NBEAL1: variants seen among roughly 807,000 people sequenced by gnomAD.
NBEAL1 encodes the protein neurobeachin-like protein 1.
A neutral mutation model predicts 351.3 loss-of-function variants in NBEAL1; 273 were observed. The observed-to-expected ratio is 0.78, with a 90% confidence interval of 0.70 to 0.86. NBEAL1 has a LOEUF of 0.86. NBEAL1 is among the 40% of genes least tolerant of loss of function. The pLI, the probability that NBEAL1 is intolerant of heterozygous loss-of-function variation, is 0.00. For missense variants in NBEAL1, 2,961 were observed against 3,201.3 expected (o/e 0.92, Z 1.81); for synonymous variants, 1,050 against 1,086.4 (o/e 0.97, Z 0.66).
At position 203,188,651 on chromosome 2, in the gene NBEAL1, T is replaced by C; in HGVS notation, c.6823+62T>C. 3.4e-6 allele frequency: 3 copies of C among 882,010 alleles called. No homozygotes were observed. In the South Asian group the frequency reaches 5.9e-5, roughly 17 times the overall value. 54.6% of individuals were successfully genotyped at this position (882,010 alleles called of 1,614,324 possible). A position where few individuals can be genotyped will look rare whatever the true frequency, so the allele number is the denominator to read the frequency against. Reference sequence around the variant, plus strand: ...GATAGAAACTGTTGTTTAATATATGTTTACAGTTATTTGAAGCCTATTTAA... The same window carrying C: ...GATAGAAACTGTTGTTTAATATATGCTTACAGTTATTTGAAGCCTATTTAA... On this transcript the variant is annotated intron_variant, in intron 45 of 55. Transcript: ENST00000683969.
At chr2:203,163,668 A>G (rs1325296868) in intron 36 of NBEAL1, among the ~76,000 whole-genome samples, 1 of 152,142 alleles carries the variant, frequency 6.6e-6, no homozygotes, top group East Asian at 1.9e-4. Context: ...GAATCATACC[A>G]TGTTTCTGTT....
chr2:203,109,330 G>A (rs2062509407), intron 14 of NBEAL1, among the ~76,000 whole-genome samples: 1 of 152,144 alleles, frequency 6.6e-6, no homozygotes, highest in Non-Finnish European at 1.5e-5. Context: ...CTGTGCTCCA[G>A]CCTGGGCAAT....
chr2:203,145,090 G>A lies in NBEAL1; in HGVS notation c.5234G>A (p.Cys1745Tyr), dbSNP rs1559402911. 4.3e-6 allele frequency: 7 copies of A among 1,613,318 alleles called. No individual in the cohort carries two copies. The highest frequency in any genetic ancestry group is 5.9e-6 in the Non-Finnish European group (7 of 1,179,764). Residue 1745 changes from cysteine (C) to tyrosine (Y), a missense_variant, in exon 33 of 56, where the codon TGT (cysteine) becomes TAT (tyrosine). By Grantham distance (194) the Cys-to-Tyr change is radical. Transcript: ENST00000683969. ...AACATGGCACTTTATTGGAAGGATT[G>A]TTATGAAGCTTTAATGGTAAATATG... is the stretch of plus-strand genomic sequence containing the variant. ...HENMALYWKDCYEALMVNMHK... is the reference protein window; with the variant it reads ...HENMALYWKDYYEALMVNMHK...
chr2:203,150,719 T>C (rs1441771527), intron 34 of NBEAL1, among the ~76,000 whole-genome samples: 4 of 152,196 alleles, frequency 2.6e-5, no homozygotes, highest in African/African-American at 4.8e-5. Context: ...TTTAGATCTT[T>C]GATTCACTTG....
intron 2 of NBEAL1, among the ~76,000 whole-genome samples, chr2:203,037,932 G>T (rs941510623): frequency 2.0e-5 from 3 of 149,160 alleles, no homozygotes; most frequent in African/African-American, 7.3e-5. Flanking sequence ...TCCGGCCTGG[G>T]TAACAGAGTG....
chr2:203,023,300 G>A (rs772366572), intron 2 of NBEAL1, among the ~76,000 whole-genome samples: 1 of 152,092 alleles, frequency 6.6e-6, no homozygotes, highest in African/African-American at 2.4e-5. Context: ...TAACAGCTTT[G>A]TATGTAAGGA....
At chr2:203,138,362 T>G (rs1376697067) in intron 30 of NBEAL1, 47 bp downstream of exon 30, 1 of 1,556,372 alleles carries the variant, frequency 6.4e-7, no homozygotes. Context: ...GTTAAGAACT[T>G]TATTCAAAGA....
At position 203,113,066 on chromosome 2, in the gene NBEAL1, C is replaced by T. The variant is rs2062609002; in HGVS notation, c.2254C>T (p.Pro752Ser). 1 of 1,546,388 alleles carries T rather than the reference C, an allele frequency of 6.5e-7. No homozygotes were observed. Among genetic ancestry groups the T allele is most frequent in the Non-Finnish European group, 8.7e-7 (1 of 1,144,686 alleles). ...AGCTGGGCAAAGAACCACCACTCCT[C>T]CACCATCCCAAATCCCAGATCCACC... The part of the protein sequence containing the change: ...GSAGQRTTTP[P>S]PSQIPDPPFS... Residue 752 changes from proline to serine, a missense_variant, in exon 17 of 56, where the codon CCA becomes TCA. Transcript: ENST00000683969.
chr2:203,098,769 C>A (rs1260882477), intron 11 of NBEAL1, among the ~76,000 whole-genome samples: 1 of 151,952 alleles, frequency 6.6e-6, no homozygotes, highest in Non-Finnish European at 1.5e-5. Flanking sequence ...ATTTCATTTT[C>A]TGTGTCTGCC....
At chr2:203,083,976 CTGTGTGTGTGTGTGTGTGTGTGTGTG>C (rs59252809) in intron 9 of NBEAL1, among the ~76,000 whole-genome samples, 1 of 134,106 alleles carries the variant, frequency 7.5e-6, no homozygotes, top group Non-Finnish European at 1.6e-5. Context: ...TCCTCAGAGC[CTGTGTGTGTGTGTGTGTGTGTGTGTG>C]TGTGTGTGTG....
chr2:203,017,747 T>C (rs2060704136), intron 2 of NBEAL1, among the ~76,000 whole-genome samples: 1 of 152,116 alleles, frequency 6.6e-6, no homozygotes. Context: ...GTATATTTAC[T>C]ATTAAATTTA....
At chr2:203,115,060 C>A (rs974611956) in intron 17 of NBEAL1, among the ~76,000 whole-genome samples, 1 of 151,722 alleles carries the variant, frequency 6.6e-6, no homozygotes, top group Non-Finnish European at 1.5e-5. Context: ...CCTAAATGAT[C>A]ATTTTTAATG....
At chr2:203,032,685 T>TA (rs1553598012) in intron 2 of NBEAL1, among the ~76,000 whole-genome samples, 3 of 145,390 alleles carry the variant, frequency 2.1e-5, no homozygotes, top group African/African-American at 7.6e-5. Flanking sequence ...TTTTTTTTTT[T>TA]AGACAGAGTC....
At chr2:203,028,030 C>A (rs1217393881) in intron 2 of NBEAL1, among the ~76,000 whole-genome samples, 2 of 152,018 alleles carry the variant, frequency 1.3e-5, no homozygotes, top group African/African-American at 2.4e-5. Context: ...ACTACAGGCA[C>A]GTGCCACCAC....
chr2:203,083,929 C>A (rs752909754), intron 9 of NBEAL1, among the ~76,000 whole-genome samples: 7 of 150,678 alleles, frequency 4.6e-5, no homozygotes, highest in Non-Finnish European at 1.0e-4. Flanking sequence ...AAAAATCTGC[C>A]CTTTCTCTAG....
intron 55 of NBEAL1, chr2:203,213,941 A>G (rs1168427068): frequency 4.0e-6 from 1 of 248,088 alleles, no homozygotes; most frequent in Non-Finnish European, 6.4e-6. Context: ...TTTTCAATAC[A>G]TAAGAGCCTT....
intron 20 of NBEAL1, among the ~76,000 whole-genome samples, 175 bp from the exon 21 acceptor site, chr2:203,125,785 A>G (rs1224119201): frequency 6.6e-6 from 1 of 152,184 alleles, no homozygotes; most frequent in Non-Finnish European, 1.5e-5. Context: ...ATGTGCACAT[A>G]AATATACAAT....
At chr2:203,183,101 A>G (rs2064780516) in intron 43 of NBEAL1, 178 bp from the exon 44 acceptor site, 1 of 399,732 alleles carries the variant, frequency 2.5e-6, no homozygotes, top group African/African-American at 2.1e-5. Context: ...TTACCTTATA[A>G]TAGCTAATTT....
chr2:203,100,457 G>T (rs149947225), intron 12 of NBEAL1, among the ~76,000 whole-genome samples: 1 of 151,912 alleles, frequency 6.6e-6, no homozygotes, highest in Non-Finnish European at 1.5e-5. Context: ...GGTGTGAGAT[G>T]GTATGTCATT....
Sources: allele counts gnomAD v4.1 joint callset (sites outside exome capture counted in the v4.1 genomes callset), GRCh38; gene constraint gnomAD v4.1.1; transcripts MANE v1.5; gene names NCBI Gene and HGNC (gene_info 2026-07-23, HGNC 2026-07-21).